GEMIN2: variants seen among roughly 807,000 people sequenced by gnomAD.
GEMIN2 encodes gem-associated protein 2.
A neutral mutation model predicts 45.8 loss-of-function variants in GEMIN2; 37 were observed. The ratio of observed to expected loss-of-function variants is 0.81; its 90% CI spans 0.62 to 1.06. The LOEUF is 1.06. Ranked by LOEUF, GEMIN2 falls within the 50% of genes least tolerant of loss-of-function variation. The probability of loss-of-function intolerance (pLI) is 0.00; values close to 1 mark genes in which losing one functional copy is unlikely to be tolerated. For synonymous variants in GEMIN2, 101 were observed against 111.5 expected (o/e 0.91, Z 0.60); for missense variants, 335 against 321.8 (o/e 1.04, Z -0.31).
intron 7 of GEMIN2, among the ~76,000 whole-genome samples, chr14:39,129,298 A>G (rs1470169676): frequency 6.6e-6 from 1 of 152,172 alleles, no homozygotes; most frequent in Non-Finnish European, 1.5e-5. Context: ...AGTATACTCT[A>G]TGATGTTCAT....
At chr14:39,117,185 T>C (rs1470911611) in intron 2 of GEMIN2, among the ~76,000 whole-genome samples, 1 of 151,690 alleles carries the variant, frequency 6.6e-6, no homozygotes, top group Non-Finnish European at 1.5e-5. Flanking sequence ...GGCAGGAGAA[T>C]TGCTTGAACC....
chr14:39,135,439 A>G (rs1719840344), intron 9 of GEMIN2, among the ~76,000 whole-genome samples: 1 of 151,958 alleles, frequency 6.6e-6, no homozygotes, highest in Admixed American at 6.6e-5. Flanking sequence ...TAGGAAAATT[A>G]GCCGGGCACG....
intron 8 of GEMIN2, among the ~76,000 whole-genome samples, chr14:39,133,016 GTGTGTGTGTGTATA>G (rs2052738883): frequency 3.2e-5 from 4 of 126,960 alleles, no homozygotes; most frequent in African/African-American, 1.3e-4. Context: ...ATATGTGTGT[GTGTGTGTGTGTATA>G]TATATATATC....
chr14:39,136,440 G>GTAT lies in GEMIN2; in HGVS notation c.773_775dup (p.Tyr258dup). The stretch of plus-strand genomic sequence containing the variant: ...AAATTTTTTGTTTTTTTTTTACTAG[G>GTAT]TATTTTGACCAACGTGATTTAGCTG... On this transcript the variant is annotated inframe_insertion and splice_region_variant, in exon 10 of 10. Coordinates refer to ENST00000308317, the MANE Select transcript of GEMIN2 (RefSeq NM_003616.3). 6.0e-6 allele frequency: 9 copies of GTAT among 1,499,562 alleles called. No individual in the cohort carries two copies. Among genetic ancestry groups the GTAT allele is most frequent in the Non-Finnish European group, 7.4e-6 (8 of 1,077,934 alleles). The allele number at this position is 1,499,562 out of a possible 1,614,324, so 92.9% of individuals were successfully genotyped here.
At chr14:39,116,251 G>C (rs2052504671) in intron 2 of GEMIN2, among the ~76,000 whole-genome samples, 1 of 151,966 alleles carries the variant, frequency 6.6e-6, no homozygotes, top group Non-Finnish European at 1.5e-5. Context: ...GGCCAGGCTG[G>C]TCTCAAACTC....
At chr14:39,117,029 T>C (rs548066778) in intron 2 of GEMIN2, among the ~76,000 whole-genome samples, 108 of 152,264 alleles carry the variant, frequency 7.1e-4, no homozygotes, top group Non-Finnish European at 1.3e-3. Context: ...TCCCAGCACT[T>C]TGGGAGGCCA....
Position 39,118,595 on chromosome 14 carries a change from C to A in GEMIN2, c.368C>A (p.Thr123Lys). 3 of 1,397,020 alleles carry A rather than the reference C, an allele frequency of 2.1e-6. No homozygotes were observed. Among genetic ancestry groups the A allele is most frequent in the Non-Finnish European group, 3.1e-6 (3 of 982,594 alleles). The allele number at this position is 1,397,020 out of a possible 1,614,324, so 86.5% of individuals were successfully genotyped here. ...TCACAACAGTTGGATAGTAATGTGA[C>A]AATGGTATGTAAGTTTCTCAGTTTT... ...WKSQQLDSNV[T>K]MPKSEDEEGW... The change falls in exon 4 of 10, where the codon ACA becomes AAA. Residue 123 changes from threonine to lysine, a missense_variant. By Grantham distance (78) the Thr-to-Lys change is moderately conservative. Coordinates refer to ENST00000308317, the MANE Select transcript of GEMIN2 (RefSeq NM_003616.3).
At chr14:39,134,626 A>G (rs1030559929) in intron 9 of GEMIN2, among the ~76,000 whole-genome samples, 1 of 151,750 alleles carries the variant, frequency 6.6e-6, no homozygotes, top group African/African-American at 2.4e-5. Context: ...TATGCTGCTG[A>G]TGATAATTAA....
At chr14:39,127,932 G>A (rs976449791) in intron 6 of GEMIN2, among the ~76,000 whole-genome samples, 1 of 151,936 alleles carries the variant, frequency 6.6e-6, no homozygotes, top group South Asian at 2.1e-4. Flanking sequence ...GCCGGACGTG[G>A]TGGTGCACGC....
At chr14:39,123,458 T>C (rs141714396) in intron 5 of GEMIN2, among the ~76,000 whole-genome samples, 1 of 151,976 alleles carries the variant, frequency 6.6e-6, no homozygotes, top group Non-Finnish European at 1.5e-5. Flanking sequence ...AAATCACTTG[T>C]AATAGAAGTA....
chr14:39,133,650 T>G lies in GEMIN2; in HGVS notation c.712-11T>G, dbSNP rs1329156611. 23 of 1,447,312 alleles carry G rather than the reference T, an allele frequency of 1.6e-5. No individual in the cohort carries two copies. The highest frequency in any genetic ancestry group is 4.3e-5 in the African/African-American group (3 of 69,280). 89.7% of individuals were successfully genotyped at this position (1,447,312 alleles called of 1,614,324 possible). A position where few individuals can be genotyped will look rare whatever the true frequency, so the allele number is the denominator to read the frequency against. On this transcript the variant is annotated splice_polypyrimidine_tract_variant and intron_variant, in intron 8 of 9. Transcript: ENST00000308317. ...CAGACAATATTTAAATTTTTCTTTTTTTTTTTTTAGGATAGCAAAGATGAT... is the reference window on the plus strand; with the variant it reads ...CAGACAATATTTAAATTTTTCTTTTGTTTTTTTTAGGATAGCAAAGATGAT...
chr14:39,119,066 T>C (rs1200211337), intron 4 of GEMIN2, among the ~76,000 whole-genome samples: 2 of 152,162 alleles, frequency 1.3e-5, no homozygotes, highest in African/African-American at 4.8e-5. Flanking sequence ...TGAGCTACTG[T>C]ACCCAGCCTT....
intron 5 of GEMIN2, among the ~76,000 whole-genome samples, chr14:39,124,776 A>G (rs7142171): frequency 0.015 from 2,237 of 152,258 alleles, 56 homozygotes; most frequent in African/African-American, 0.051. Flanking sequence ...CCATCTAAAA[A>G]AAAAATTACA....
At chr14:39,118,742 T>C (rs2052541524) in intron 4 of GEMIN2, 143 bp downstream of exon 4, 1 of 467,106 alleles carries the variant, frequency 2.1e-6, no homozygotes, top group South Asian at 4.6e-5. Context: ...AACAATTCAT[T>C]ACATTAGTAG....
At position 39,132,741 on chromosome 14, in the gene GEMIN2, C is replaced by T. The variant is rs1478913819; in HGVS notation, c.711+673C>T. Among the ~76,000 whole-genome samples the T allele has an allele frequency of 3.2e-5, 4 of 126,306 alleles. No homozygotes were observed. The Admixed American group carries it at 3.9e-4, about 12-fold the overall frequency. 82.9% of individuals were successfully genotyped at this position (126,306 alleles called of 152,430 possible). A position where few individuals can be genotyped will look rare whatever the true frequency, so the allele number is the denominator to read the frequency against. ...TCACCGAGGCTGGAGTGCAATGGTG[C>T]GGTCTCGGCTCACTGCAACCTCCGC... On this transcript the variant is annotated intron_variant, in intron 8 of 9. Coordinates refer to ENST00000308317, the MANE Select transcript of GEMIN2 (RefSeq NM_003616.3).
Position 39,117,997 on chromosome 14 carries a change from A to AGCTT in GEMIN2, c.223-1_225dup. The AGCTT allele has an allele frequency of 6.4e-7, 1 of 1,560,632 alleles. No homozygotes were observed. The highest frequency in any genetic ancestry group is 8.8e-7 in the Non-Finnish European group (1 of 1,134,816). Reference sequence around the variant, plus strand: ...CCTAATATTTGTGAACTTGATCTCTAGCTTTCAGGATGCCAACCCGCCCCT... The same window carrying AGCTT: ...CCTAATATTTGTGAACTTGATCTCTAGCTTGCTTTCAGGATGCCAACCCGCCCCT... On this transcript the variant is annotated splice_acceptor_variant, in intron 2 of 9. Coordinates refer to ENST00000308317, the MANE Select transcript of GEMIN2 (RefSeq NM_003616.3). LOFTEE classifies it high-confidence loss of function.
At chr14:39,131,616 A>G (rs1205876697) in intron 7 of GEMIN2, among the ~76,000 whole-genome samples, 1 of 152,234 alleles carries the variant, frequency 6.6e-6, no homozygotes, top group Non-Finnish European at 1.5e-5. Flanking sequence ...ATACAGAACA[A>G]AGAAAAAAAT....
Position 39,136,479 on chromosome 14 carries a change from A to G in GEMIN2, c.810A>G (p.Ter270TrpextTer3), listed in dbSNP as rs752213455. 2 of 1,598,964 alleles carry G rather than the reference A, an allele frequency of 1.3e-6. No individual in the cohort carries two copies. The highest frequency in any genetic ancestry group is 1.7e-6 in the Non-Finnish European group (2 of 1,167,722). The change falls in exon 10 of 10, where the codon TGA (stop) becomes TGG (tryptophan). Residue 270 changes from the stop codon to tryptophan (W), a stop_lost. Transcript: ENST00000308317. ...GTGATTTAGCTGATGAGCCATCTTG[A>G]TGTAGCTGATCTCTCAGGGATAGAA... Reference protein sequence around the residue: ...DQRDLADEPS* With the variant: ...DQRDLADEPSW
intron 2 of GEMIN2, 33 bp downstream of exon 2, chr14:39,114,946 C>T: frequency 1.0e-6 from 1 of 955,058 alleles, no homozygotes; most frequent in South Asian, 1.3e-5. Context: ...AGATTACCCC[C>T]AACCCCCCAA....
Sources: gnomAD v4.1 joint callset for allele counts (sites outside exome capture counted in the v4.1 genomes callset) on GRCh38, gnomAD v4.1.1 for gene constraint, MANE v1.5 for transcripts, NCBI Gene and HGNC (gene_info 2026-07-23, HGNC 2026-07-21) for gene names.